The following ADAP2 variants were observed in gnomAD, a reference collection of about 807,000 sequenced individuals.
ADAP2 encodes the protein arf-GAP with dual PH domain-containing protein 2.
In ADAP2, 42 loss-of-function variants were observed where a neutral mutation model predicts 54.9. That is an observed-to-expected ratio of 0.77 (90% CI 0.60 to 0.99). The LOEUF (loss-of-function observed/expected upper bound fraction) is 0.99, where lower values mean the gene tolerates loss of function less well. Ranked by LOEUF, ADAP2 falls within the 50% of genes least tolerant of loss-of-function variation. ADAP2 has a pLI of 0.00. For missense variants in ADAP2, 429 were observed against 480.4 expected, an observed-to-expected ratio of 0.89 and a Z score of 1.00; for synonymous variants, 177 against 180.1, an observed-to-expected ratio of 0.98 and a Z score of 0.14.
intron 4 of ADAP2, among the ~76,000 whole-genome samples, chr17:30,933,379 G>C (rs932475840): frequency 1.3e-5 from 2 of 151,970 alleles, no homozygotes; most frequent in African/African-American, 4.8e-5. Flanking sequence ...GGAGAGTCAG[G>C]GTTTTGCCAT....
intron 3 of ADAP2, among the ~76,000 whole-genome samples, chr17:30,928,664 T>G (rs1204192766): frequency 1.3e-5 from 2 of 152,220 alleles, no homozygotes; most frequent in Non-Finnish European, 2.9e-5. Flanking sequence ...GTCTAGCCTG[T>G]CTGACACCAG....
chr17:30,936,828 G>T (rs1236054896), intron 5 of ADAP2, among the ~76,000 whole-genome samples: 2 of 152,164 alleles, frequency 1.3e-5, no homozygotes, highest in African/African-American at 2.4e-5. Context: ...ACTTATACAT[G>T]TAGGATTTGC....
chr17:30,943,179 A>T (rs1312877252), intron 5 of ADAP2, among the ~76,000 whole-genome samples: 1 of 152,150 alleles, frequency 6.6e-6, no homozygotes, highest in Non-Finnish European at 1.5e-5. Flanking sequence ...CAGCCTGACC[A>T]ACATGGAGAA....
At chr17:30,952,421 A>C (rs530472491) in intron 7 of ADAP2, among the ~76,000 whole-genome samples, 2 of 152,048 alleles carry the variant, frequency 1.3e-5, no homozygotes, top group South Asian at 4.2e-4. Flanking sequence ...TGTCACCCAG[A>C]CTGGAGTGCA....
chr17:30,926,153 G>A (rs938834700), intron 2 of ADAP2, among the ~76,000 whole-genome samples: 2 of 152,198 alleles, frequency 1.3e-5, no homozygotes, highest in Non-Finnish European at 2.9e-5. Context: ...CCCCTGCAGA[G>A]GAGAAGAGGA....
chr17:30,939,167 C>T (rs779699374), intron 5 of ADAP2, among the ~76,000 whole-genome samples: 1 of 152,062 alleles, frequency 6.6e-6, no homozygotes, highest in Admixed American at 6.6e-5. Context: ...GAAAGCGCTA[C>T]TGCAGTTAGG....
chr17:30,954,233 T>C (rs1598058105), intron 8 of ADAP2: 1 of 392,360 alleles, frequency 2.5e-6, no homozygotes, highest in South Asian at 6.2e-5. Context: ...CTCTTCCAAG[T>C]TGAGGCAGCA....
At chr17:30,942,876 G>C (rs967977323) in intron 5 of ADAP2, among the ~76,000 whole-genome samples, 1 of 152,190 alleles carries the variant, frequency 6.6e-6, no homozygotes, top group Admixed American at 6.6e-5. Flanking sequence ...CAGAATGACT[G>C]TTATCAAAAA....
chr17:30,953,469 C>G, intron 8 of ADAP2, 119 bp downstream of exon 8: 1 of 1,047,846 alleles, frequency 9.5e-7, no homozygotes, highest in East Asian at 2.6e-5. Context: ...CTTGTCCAAC[C>G]CACAGCCCAT....
intron 7 of ADAP2, among the ~76,000 whole-genome samples, chr17:30,949,748 CAAAAA>C (rs34131343): frequency 1.6e-5 from 1 of 62,000 alleles, no homozygotes; most frequent in African/African-American, 4.8e-5. Flanking sequence ...GACTCCGTCT[CAAAAA>C]AAAAAAAAAA....
At chr17:30,934,704 T>A (rs1467090320) in intron 5 of ADAP2, among the ~76,000 whole-genome samples, 1 of 152,094 alleles carries the variant, frequency 6.6e-6, no homozygotes, top group Non-Finnish European at 1.5e-5. Flanking sequence ...AACATCAATA[T>A]ATAATATACC....
intron 2 of ADAP2, among the ~76,000 whole-genome samples, chr17:30,923,560 C>T (rs555100126): frequency 8.5e-4 from 129 of 151,598 alleles, no homozygotes; most frequent in African/African-American, 2.8e-3. Context: ...CATCCTGAAC[C>T]GCTCCTGGCC....
chr17:30,949,514 T>C (rs1398855538), intron 7 of ADAP2, 144 bp downstream of exon 7: 10 of 660,420 alleles, frequency 1.5e-5, no homozygotes, highest in East Asian at 1.2e-4. Flanking sequence ...TTTGGGAGGC[T>C]GAGGCGGGCG....
intron 5 of ADAP2, among the ~76,000 whole-genome samples, chr17:30,944,618 C>T (rs1216137170): frequency 6.6e-6 from 1 of 152,156 alleles, no homozygotes; most frequent in East Asian, 1.9e-4. Context: ...TACCACCACG[C>T]CCAGCTAATT....
chr17:30,953,933 GC>G (rs1245341387), intron 8 of ADAP2, among the ~76,000 whole-genome samples: 2 of 152,040 alleles, frequency 1.3e-5, no homozygotes, highest in Admixed American at 6.6e-5. Context: ...TTTATGTGTG[GC>G]CCAAGACAAT....
intron 2 of ADAP2, among the ~76,000 whole-genome samples, chr17:30,925,128 C>G (rs1910933608): frequency 6.6e-6 from 1 of 151,634 alleles, no homozygotes; most frequent in South Asian, 2.1e-4. Flanking sequence ...AGGTGATCCA[C>G]CCGCCTCGGC....
At chr17:30,940,970 T>C (rs1163660321) in intron 5 of ADAP2, among the ~76,000 whole-genome samples, 1 of 152,234 alleles carries the variant, frequency 6.6e-6, no homozygotes, top group Non-Finnish European at 1.5e-5. Context: ...CTTCAACCTC[T>C]CGGTAGCCAT....
intron 5 of ADAP2, among the ~76,000 whole-genome samples, chr17:30,936,585 A>G (rs997577004): frequency 2.6e-5 from 4 of 151,164 alleles, no homozygotes; most frequent in Non-Finnish European, 4.4e-5. Context: ...CTTATTGGCC[A>G]TTTGTATATC....
intron 5 of ADAP2, among the ~76,000 whole-genome samples, chr17:30,942,652 C>T (rs1045757335): frequency 6.6e-6 from 1 of 152,154 alleles, no homozygotes; most frequent in Non-Finnish European, 1.5e-5. Context: ...TAGTCATTTA[C>T]AAGAGCAAAC....
Sources: gnomAD v4.1 joint callset for allele counts (sites outside exome capture counted in the v4.1 genomes callset) on GRCh38, gnomAD v4.1.1 for gene constraint, MANE v1.5 for transcripts, NCBI Gene and HGNC (gene_info 2026-07-23, HGNC 2026-07-21) for gene names.